Variants in LRRC49 observed in about 807,000 individuals in gnomAD.
LRRC49 encodes leucine rich repeat containing 49, also known as leucine-rich repeat-containing protein 49.
Under a neutral mutation model 83.3 loss-of-function variants are expected in LRRC49, and 50 were observed. The ratio of observed to expected loss-of-function variants is 0.60; its 90% confidence interval spans 0.48 to 0.76. LRRC49 has a LOEUF of 0.76. LRRC49 is among the 30% of genes least tolerant of loss of function. The pLI, the probability that LRRC49 is intolerant of heterozygous loss-of-function variation, is 0.00. For synonymous variants in LRRC49, 286 were observed against 283.3 expected, an observed-to-expected ratio of 1.01 and a Z score of -0.10; for missense variants, 704 against 809.1, an observed-to-expected ratio of 0.87 and a Z score of 1.58.
At chr15:71,004,392 T>G (rs1005465833) in intron 11 of LRRC49, among the ~76,000 whole-genome samples, 1 of 152,076 alleles carries the variant, frequency 6.6e-6, no homozygotes, top group Admixed American at 6.6e-5. Context: ...AGTGATATAC[T>G]GGATAAAGAA....
chr15:70,873,104 T>G lies in LRRC49; in HGVS notation c.-102T>G, dbSNP rs2033084889. On this transcript the variant is annotated 5_prime_UTR_variant, in exon 2 of 17. Transcript: ENST00000544974. ...TTCACCATCTTGGCCAGGCTGGTCT[T>G]GAATTCCTGACCTCAAGTGATCCAC... 5 of 928,524 alleles carry G rather than the reference T, an allele frequency of 5.4e-6. No individual in the cohort carries two copies. In the East Asian group the frequency reaches 1.3e-4, roughly 24 times the overall value. 57.5% of individuals were successfully genotyped at this position (928,524 alleles called of 1,614,324 possible). A position where few individuals can be genotyped will look rare whatever the true frequency, so the allele number is the denominator to read the frequency against.
intron 13 of LRRC49, among the ~76,000 whole-genome samples, chr15:71,011,947 G>A (rs2038665054): frequency 6.6e-6 from 1 of 152,006 alleles, no homozygotes; most frequent in African/African-American, 2.4e-5. Context: ...TTGACATTTT[G>A]AGCCAGATAA....
chr15:71,029,483 G>T (rs1479951571), intron 14 of LRRC49, among the ~76,000 whole-genome samples: 1 of 152,176 alleles, frequency 6.6e-6, no homozygotes, highest in African/African-American at 2.4e-5. Context: ...GTGCTGAGAA[G>T]AATGTATATT....
chr15:70,885,737 T>C (rs2033389397), intron 2 of LRRC49, among the ~76,000 whole-genome samples: 1 of 152,198 alleles, frequency 6.6e-6, no homozygotes, highest in African/African-American at 2.4e-5. Flanking sequence ...ATAGGTAGAA[T>C]TTGAAGATTA....
At chr15:70,871,379 A>G (rs932267158) in intron 1 of LRRC49, among the ~76,000 whole-genome samples, 3 of 152,086 alleles carry the variant, frequency 2.0e-5, no homozygotes, top group African/African-American at 7.2e-5. Context: ...CAACAATCTG[A>G]TCTCTCTTTC....
intron 3 of LRRC49, among the ~76,000 whole-genome samples, chr15:70,898,982 G>A (rs762524188): frequency 2.6e-5 from 4 of 152,012 alleles, no homozygotes; most frequent in Non-Finnish European, 5.9e-5. Flanking sequence ...TTGTTGTATG[G>A]TAGATTTAAG....
At position 70,892,962 on chromosome 15, in the gene LRRC49, T is replaced by G; in HGVS notation, c.48+20T>G. On this transcript the variant is annotated intron_variant, in intron 1 of 15. Coordinates refer to ENST00000260382, the MANE Select transcript of LRRC49 (RefSeq NM_017691.5). ...AACAACGTAAGTTGGGCCTTCTACT[T>G]TCTCTTTCTTCCCACTGGTACTCTT... 4 of 1,613,686 alleles carry G rather than the reference T, an allele frequency of 2.5e-6. No homozygotes were observed. In the South Asian group the frequency reaches 4.4e-5, roughly 18 times the overall value.
intron 1 of LRRC49, among the ~76,000 whole-genome samples, chr15:70,870,358 G>A (rs2033000261): frequency 6.8e-6 from 1 of 148,124 alleles, no homozygotes. Context: ...TTAGAAACAT[G>A]AGCAAATGCA....
rs74021922 is a variant in LRRC49, at chr15:71,021,741, G to A, written c.1703+8828G>A. Among the ~76,000 whole-genome samples the A allele has an allele frequency of 2.1e-3, 324 of 152,266 alleles. 1 individual carries two copies. The highest frequency in any genetic ancestry group is 7.7e-3 in the African/African-American group (318 of 41,556). ...GCTGGCTGTAACCTGGTCTAGGAAG[G>A]CCTTAGCTGGGACAACCTGTCTCTG... On this transcript the variant is annotated intron_variant, in intron 14 of 15. Coordinates refer to ENST00000260382, the MANE Select transcript of LRRC49 (RefSeq NM_017691.5).
intron 1 of LRRC49, among the ~76,000 whole-genome samples, chr15:70,866,628 C>A (rs1020560368): frequency 2.0e-5 from 3 of 152,126 alleles, no homozygotes; most frequent in African/African-American, 7.2e-5. Flanking sequence ...AAGACCTTAA[C>A]TTCTAAGTCC....
chr15:70,888,085 A>C (rs140661435), upstream of LRRC49, among the ~76,000 whole-genome samples: 1 of 152,186 alleles, frequency 6.6e-6, no homozygotes, highest in Non-Finnish European at 1.5e-5. Flanking sequence ...AGAAGAGTCA[A>C]TATTGTCAAT....
At chr15:70,964,444 A>G (rs1317037776) in intron 9 of LRRC49, among the ~76,000 whole-genome samples, 1 of 152,182 alleles carries the variant, frequency 6.6e-6, no homozygotes, top group Non-Finnish European at 1.5e-5. Context: ...ATAAGGTACT[A>G]CACTTTAGAC....
chr15:71,027,634 G>C (rs1209304185), intron 14 of LRRC49, among the ~76,000 whole-genome samples: 3 of 150,648 alleles, frequency 2.0e-5, no homozygotes, highest in African/African-American at 7.3e-5. Context: ...ATTATTTGTA[G>C]TTCTCCTTGA....
intron 14 of LRRC49, among the ~76,000 whole-genome samples, chr15:71,024,709 C>T (rs75732514): frequency 0.036 from 5,399 of 151,766 alleles, 150 homozygotes; most frequent in Middle Eastern, 0.061. Context: ...CTCTCCTCCT[C>T]CAAATGATCA....
intron 8 of LRRC49, among the ~76,000 whole-genome samples, chr15:70,939,913 CAT>C (rs919912759): frequency 2.9e-5 from 4 of 139,064 alleles, no homozygotes; most frequent in African/African-American, 1.1e-4. Flanking sequence ...TTTGTTAGTA[CAT>C]ATGTTAGTAC....
In LRRC49 at chr15:71,052,404, C is replaced by T. The variant is rs933533065; in HGVS notation, c.*2792C>T. 2.6e-5 allele frequency: 4 copies of T among 152,178 alleles called. No individual in the cohort carries two copies. The highest frequency in any genetic ancestry group is 9.7e-5 in the African/African-American group (4 of 41,424). 9.4% of individuals were successfully genotyped at this position (152,178 alleles called of 1,614,324 possible). A position where few individuals can be genotyped will look rare whatever the true frequency, so the allele number is the denominator to read the frequency against. On this transcript the variant is annotated 3_prime_UTR_variant, in exon 16 of 16. Coordinates refer to ENST00000260382, the MANE Select transcript of LRRC49 (RefSeq NM_017691.5). The stretch of plus-strand genomic sequence containing the variant: ...CTGGATGGTGAAGTGTGCTGCTACA[C>T]CTGAGGATGGTTACCAAGTGTGCAG...
At chr15:71,042,735 A>AAAG (rs2039734029) in intron 15 of LRRC49, among the ~76,000 whole-genome samples, 1 of 152,206 alleles carries the variant, frequency 6.6e-6, no homozygotes, top group Non-Finnish European at 1.5e-5. Flanking sequence ...GTTGCTTGGT[A>AAAG]GTTGTCCATC....
chr15:70,955,392 T>C (rs1229293795), intron 8 of LRRC49, among the ~76,000 whole-genome samples: 2 of 152,192 alleles, frequency 1.3e-5, no homozygotes, highest in Non-Finnish European at 2.9e-5. Flanking sequence ...TTACAAGTAA[T>C]AAGGGAAGAA....
chr15:70,930,280 G>A (rs892038506), intron 7 of LRRC49, among the ~76,000 whole-genome samples: 1 of 152,116 alleles, frequency 6.6e-6, no homozygotes. Flanking sequence ...CTCCATCTGG[G>A]CTCTTGGGTG....
Sources: gnomAD v4.1 joint callset for allele counts (sites outside exome capture counted in the v4.1 genomes callset) on GRCh38, gnomAD v4.1.1 for gene constraint, MANE v1.5 for transcripts, NCBI Gene and HGNC (gene_info 2026-07-23, HGNC 2026-07-21) for gene names.